Variants in PARD3 observed in about 807,000 individuals in gnomAD.
PARD3 encodes par-3 family cell polarity regulator.
Under a neutral mutation model 155.4 loss-of-function variants are expected in PARD3, and 75 were observed. The observed-to-expected ratio is 0.48, with a 90% CI of 0.40 to 0.58. PARD3 has a LOEUF of 0.58. Ranked by LOEUF, PARD3 falls within the 20% of genes least tolerant of loss-of-function variation. The probability of loss-of-function intolerance (pLI) is 0.00; values close to 1 mark genes in which losing one functional copy is unlikely to be tolerated. For synonymous variants in PARD3, 576 were observed against 610.5 expected, an observed-to-expected ratio of 0.94 and a Z score of 0.83; for missense variants, 1,642 against 1,721.7, an observed-to-expected ratio of 0.95 and a Z score of 0.82.
chr10:34,765,833 T>G (rs1838017962), intron 1 of PARD3, among the ~76,000 whole-genome samples: 1 of 152,178 alleles, frequency 6.6e-6, no homozygotes, highest in Admixed American at 6.5e-5. Flanking sequence ...CGGAACATTC[T>G]CAACAATTTT....
chr10:34,268,372 G>A (rs1000592991), intron 22 of PARD3, among the ~76,000 whole-genome samples: 8 of 150,640 alleles, frequency 5.3e-5, no homozygotes, highest in African/African-American at 1.2e-4. Context: ...TCAGTGTGGC[G>A]ATTCCTCAAG....
At chr10:34,577,884 C>G (rs561469186) in intron 2 of PARD3, among the ~76,000 whole-genome samples, 2 of 151,180 alleles carry the variant, frequency 1.3e-5, no homozygotes, top group South Asian at 4.2e-4. Flanking sequence ...AGGGGTCTCA[C>G]TCTGTCAACC....
intron 21 of PARD3, among the ~76,000 whole-genome samples, chr10:34,279,667 A>AT (rs1304897192): frequency 6.6e-6 from 1 of 152,206 alleles, no homozygotes; most frequent in East Asian, 1.9e-4. Context: ...CAAAGCAGGT[A>AT]TTACTGAGAA....
chr10:34,703,489 A>G (rs1252334343), intron 1 of PARD3, among the ~76,000 whole-genome samples: 1 of 152,122 alleles, frequency 6.6e-6, no homozygotes, highest in African/African-American at 2.4e-5. Context: ...GAAGATAAAA[A>G]AGGCTAATAA....
rs765543653 is a variant in PARD3 at position 34,284,167 on chromosome 10, C to T, written c.3144G>A (p.Glu1048=). The change falls in exon 21 of 25, where the codon GAG becomes GAA. Residue 1048 remains glutamate (E), a synonymous_variant. Transcript: ENST00000374788. ...IKIQESFTSE[E]ERIRMKQEQE... is the part of the protein sequence containing the mutation. ...GCTCCTGCTTCATTCGTATCCTCTC[C>T]TCTTCTGATGTAAAGGATTCCTGTA... 64 of 1,605,878 alleles carry T rather than the reference C, an allele frequency of 4.0e-5. No individual in the cohort carries two copies. The highest frequency in any genetic ancestry group is 5.4e-5 in the Non-Finnish European group (63 of 1,175,856).
intron 4 of PARD3, among the ~76,000 whole-genome samples, chr10:34,465,627 T>G (rs974081096): frequency 6.6e-6 from 1 of 152,232 alleles, no homozygotes; most frequent in Non-Finnish European, 1.5e-5. Context: ...TTCCCTTTAT[T>G]ACTTTCTTCC....
At chr10:34,688,204 G>A (rs1003088000) in intron 2 of PARD3, among the ~76,000 whole-genome samples, 3 of 152,084 alleles carry the variant, frequency 2.0e-5, no homozygotes, top group Non-Finnish European at 4.4e-5. Context: ...ACTGGCCTGC[G>A]CAGGAACTGA....
intron 5 of PARD3, among the ~76,000 whole-genome samples, chr10:34,446,225 T>C (rs2076731834): frequency 6.6e-6 from 1 of 152,118 alleles, no homozygotes; most frequent in Non-Finnish European, 1.5e-5. Context: ...TGAAAAAATG[T>C]GAGTGAGGTT....
At position 34,630,108 on chromosome 10, in the gene PARD3, G is replaced by C. The variant is rs1333351341; in HGVS notation, c.222+66210C>G. Among the ~76,000 whole-genome samples, 7 of 152,070 alleles carry C rather than the reference G, an allele frequency of 4.6e-5. No homozygotes were observed. The East Asian group carries it at 7.7e-4, about 17-fold the overall frequency. Reference sequence around the variant, plus strand: ...GAGGGAGAGAGGAAATGGAGAAAGTGATCTAAAATCACCGACATAGCAATG... The same window carrying C: ...GAGGGAGAGAGGAAATGGAGAAAGTCATCTAAAATCACCGACATAGCAATG... On this transcript the variant is annotated intron_variant, in intron 2 of 24. Coordinates refer to ENST00000374788, the MANE Select transcript of PARD3 (RefSeq NM_001184785.2).
chr10:34,117,671 G>C lies in PARD3; in HGVS notation c.3668+1942C>G, dbSNP rs527644629. Among the ~76,000 whole-genome samples, 3 of 152,272 alleles carry C rather than the reference G, an allele frequency of 2.0e-5. 1 individual carries two copies. In the South Asian group the frequency reaches 6.2e-4, roughly 32 times the overall value. On this transcript the variant is annotated intron_variant, in intron 24 of 24. Transcript: ENST00000374788. The stretch of plus-strand genomic sequence containing the variant: ...TCACACCTGTAATCCCAGCACTTTG[G>C]GGGGCTAAGGTGGGCAGATCACTTG...
At chr10:34,202,944 C>T (rs1951287839) in intron 22 of PARD3, among the ~76,000 whole-genome samples, 1 of 152,092 alleles carries the variant, frequency 6.6e-6, no homozygotes, top group Non-Finnish European at 1.5e-5. Context: ...TGAGAAGCAG[C>T]CACAATGTCT....
At chr10:34,386,192 C>A (rs7914747) in intron 7 of PARD3, among the ~76,000 whole-genome samples, 9 of 151,890 alleles carry the variant, frequency 5.9e-5, no homozygotes, top group Non-Finnish European at 1.2e-4. Context: ...GTAATTTTAG[C>A]GTTGAGAATC....
At chr10:34,310,296 T>G (rs1957634916) in intron 20 of PARD3, among the ~76,000 whole-genome samples, 1 of 152,244 alleles carries the variant, frequency 6.6e-6, no homozygotes, top group Non-Finnish European at 1.5e-5. Flanking sequence ...AATGGTGCGA[T>G]AGTATTTATT....
chr10:34,316,167 T>G (rs1406194402), intron 20 of PARD3, among the ~76,000 whole-genome samples: 3 of 152,340 alleles, frequency 2.0e-5, no homozygotes, highest in Admixed American at 2.0e-4. Flanking sequence ...GATAACTACT[T>G]TTTGAAAAGT....
chr10:34,345,985 T>C (rs964876427), intron 15 of PARD3: 1 of 984,668 alleles, frequency 1.0e-6, no homozygotes, highest in African/African-American at 1.7e-5. Flanking sequence ...ATTGTAAAAA[T>C]TATCTTAAGA....
intron 1 of PARD3, among the ~76,000 whole-genome samples, chr10:34,796,694 T>G (rs1842286843): frequency 6.6e-6 from 1 of 152,146 alleles, no homozygotes; most frequent in African/African-American, 2.4e-5. Flanking sequence ...CTTGAAGAAA[T>G]TATTTCCTGG....
chr10:34,537,404 A>C (rs1005998844), intron 2 of PARD3, among the ~76,000 whole-genome samples: 51 of 152,260 alleles, frequency 3.3e-4, no homozygotes, highest in African/African-American at 1.2e-3. Context: ...TTTCTGGTGA[A>C]GAATGAGAGA....
intron 2 of PARD3, among the ~76,000 whole-genome samples, chr10:34,599,072 C>T (rs1157705019): frequency 6.6e-6 from 1 of 152,120 alleles, no homozygotes; most frequent in African/African-American, 2.4e-5. Context: ...AAAGCGTTCC[C>T]CATTCTCTAC....
chr10:34,615,983 T>C (rs1331202547), intron 2 of PARD3, among the ~76,000 whole-genome samples: 2 of 152,198 alleles, frequency 1.3e-5, no homozygotes, highest in East Asian at 3.9e-4. Flanking sequence ...ACTCTTCTTG[T>C]GCACCCCTGG....
Sources: gnomAD v4.1 joint callset for allele counts (sites outside exome capture counted in the v4.1 genomes callset) on GRCh38, gnomAD v4.1.1 for gene constraint, MANE v1.5 for transcripts, NCBI Gene and HGNC (gene_info 2026-07-23, HGNC 2026-07-21) for gene names.